Variants in TENM3 observed in about 807,000 individuals in gnomAD.
The protein encoded by TENM3 is teneurin transmembrane protein 3.
Under a neutral mutation model 255.1 loss-of-function variants are expected in TENM3, and 63 were observed. That is an observed-to-expected ratio of 0.25 (90% CI 0.20 to 0.30). The LOEUF (loss-of-function observed/expected upper bound fraction) is 0.30, where lower values mean the gene tolerates loss of function less well. Ranked by LOEUF, TENM3 falls within the 10% of genes least tolerant of loss-of-function variation. The pLI is 1.00. For synonymous variants in TENM3, 1,306 were observed against 1,322.3 expected (o/e 0.99, Z 0.27); for missense variants, 2,929 against 3,461.1 (o/e 0.85, Z 3.86).
the TENM3 span, among the ~76,000 whole-genome samples, chr4:181,919,840 G>A: frequency 4.7e-5 from 7 of 149,774 alleles, no homozygotes; most frequent in South Asian, 2.1e-4. Context: ...CCATTAACTC[G>A]TCATTTAGCA....
At chr4:181,697,578 G>A in the TENM3 span, among the ~76,000 whole-genome samples, 2 of 151,998 alleles carry the variant, frequency 1.3e-5, no homozygotes, top group Admixed American at 6.5e-5. Context: ...ATTTTTAGTA[G>A]AGAAGGGGTT....
chr4:182,128,496 A>G, the TENM3 span, among the ~76,000 whole-genome samples: 2 of 152,134 alleles, frequency 1.3e-5, no homozygotes, highest in African/African-American at 4.8e-5. Context: ...TTCAGCCACC[A>G]GCGCCTGGCC....
the TENM3 span, among the ~76,000 whole-genome samples, chr4:181,759,296 T>C: frequency 1.3e-5 from 2 of 152,022 alleles, no homozygotes; most frequent in Non-Finnish European, 2.9e-5. Flanking sequence ...TAAATGAGGG[T>C]TCCAATAGAG....
chr4:181,500,140 C>T, the TENM3 span, among the ~76,000 whole-genome samples: 1,276 of 151,948 alleles, frequency 8.4e-3, 13 homozygotes, highest in South Asian at 0.033. Context: ...GCGATTCTCC[C>T]GTCTCATCCT....
chr4:181,629,772 A>G, the TENM3 span, among the ~76,000 whole-genome samples: 3 of 152,206 alleles, frequency 2.0e-5, no homozygotes, highest in East Asian at 1.9e-4. Flanking sequence ...ATCGATGTTC[A>G]TCAGGGATAT....
Position 182,318,772 on chromosome 4 carries a change from C to A in TENM3, c.-75-5174C>A, listed in dbSNP as rs567984145. ...GCCAGTTCAATCAGAAGTTTTTTAT[C>A]TGTTTTGTTTTTTGAGACAGAGTCG... On this transcript the variant is annotated intron_variant, in intron 1 of 27. Coordinates refer to ENST00000511685, the MANE Select transcript of TENM3 (RefSeq NM_001080477.4). Among the ~76,000 whole-genome samples the A allele has an allele frequency of 1.4e-4, 22 of 152,122 alleles. 1 individual carries two copies. In the South Asian group the frequency reaches 4.6e-3, roughly 32 times the overall value.
At chr4:182,423,161 C>T (rs1288768289) in intron 3 of TENM3, among the ~76,000 whole-genome samples, 1 of 151,900 alleles carries the variant, frequency 6.6e-6, no homozygotes, top group Non-Finnish European at 1.5e-5. Context: ...CGGTTTTGTT[C>T]TTGTGTGTGT....
At chr4:182,193,853 T>A (rs970805312) in intron 1 of TENM3, among the ~76,000 whole-genome samples, 55 of 152,182 alleles carry the variant, frequency 3.6e-4, no homozygotes, top group East Asian at 1.5e-3. Flanking sequence ...TGAAATTTTT[T>A]AAAAAAGAAA....
chr4:181,480,443 G>A, the TENM3 span, among the ~76,000 whole-genome samples: 5 of 152,032 alleles, frequency 3.3e-5, no homozygotes, highest in East Asian at 1.9e-4. Flanking sequence ...TGTTATCAAC[G>A]TTTGATGTTA....
intron 3 of TENM3, among the ~76,000 whole-genome samples, chr4:182,574,997 A>T (rs1020892448): frequency 2.0e-5 from 3 of 152,134 alleles, no homozygotes; most frequent in African/African-American, 4.8e-5. Flanking sequence ...TTTATAACCG[A>T]TTTTTGCCTT....
At chr4:182,351,248 ATAT>A (rs1430501135) in intron 3 of TENM3, among the ~76,000 whole-genome samples, 30 of 152,328 alleles carry the variant, frequency 2.0e-4, no homozygotes, top group African/African-American at 7.0e-4. Context: ...GACAGTGAAG[ATAT>A]TTAGCAAAGA....
At chr4:181,704,129 G>T in the TENM3 span, among the ~76,000 whole-genome samples, 1 of 152,110 alleles carries the variant, frequency 6.6e-6, no homozygotes, top group African/African-American at 2.4e-5. Context: ...CTTCCATCTG[G>T]AGGCTGTGAA....
chr4:182,286,870 G>A (rs1760765728), intron 1 of TENM3, among the ~76,000 whole-genome samples: 1 of 152,066 alleles, frequency 6.6e-6, no homozygotes, highest in African/African-American at 2.4e-5. Context: ...GAAGTCTTTT[G>A]GAAACACATC....
Position 182,346,793 on chromosome 4 carries a change from G to T in TENM3, c.375G>T (p.Val125=). ...ATGCTGATACTGAAAATGAAGCAGTGATGTCCCCAGAGCATGCCATGAGAC... is the reference window on the plus strand; with the variant it reads ...ATGCTGATACTGAAAATGAAGCAGTTATGTCCCCAGAGCATGCCATGAGAC... ...GSDADTENEA[V]MSPEHAMRLW... The change falls in exon 3 of 28, where the codon GTG becomes GTT. Residue 125 remains valine (V), a synonymous_variant. Transcript: ENST00000511685. 1 of 1,613,558 alleles carries T rather than the reference G, an allele frequency of 6.2e-7. No individual in the cohort carries two copies. The highest frequency in any genetic ancestry group is 8.5e-7 in the Non-Finnish European group (1 of 1,179,726).
chr4:182,656,519 A>G (rs993920669), intron 6 of TENM3, among the ~76,000 whole-genome samples: 1 of 152,132 alleles, frequency 6.6e-6, no homozygotes, highest in Non-Finnish European at 1.5e-5. Context: ...GATGAACCTC[A>G]GTGTCCATGC....
rs1422723266 is a variant in TENM3 at position 182,754,592 on chromosome 4, G to A, written c.4225G>A (p.Ala1409Thr). 2.5e-6 allele frequency: 4 copies of A among 1,614,014 alleles called. No individual in the cohort carries two copies. The highest frequency in any genetic ancestry group is 3.4e-6 in the Non-Finnish European group (4 of 1,179,878). The stretch of plus-strand genomic sequence containing the variant: ...AACACTGGAATCAGCCACTGCCATT[G>A]CTGTGTCCTACAGTGGGGTCCTGTA... Reference protein sequence around the residue: ...QTTLESATAIAVSYSGVLYIT... With the variant: ...QTTLESATAITVSYSGVLYIT... Residue 1409 changes from alanine (A) to threonine (T), a missense_variant, in exon 22 of 28, where the codon GCT (alanine) becomes ACT (threonine). By Grantham distance (58) the Ala-to-Thr change is moderately conservative (BLOSUM62 0). Transcript: ENST00000511685. This position sits in a 1 kb window ranked among gnomAD's most constrained non-coding sequence, Gnocchi z 5.1.
the TENM3 span, among the ~76,000 whole-genome samples, chr4:181,681,663 C>T: frequency 6.6e-6 from 1 of 152,096 alleles, no homozygotes; most frequent in Non-Finnish European, 1.5e-5. Flanking sequence ...GAAATACCGA[C>T]TCACGATGAT....
At chr4:182,551,825 A>G (rs1301062931) in intron 3 of TENM3, among the ~76,000 whole-genome samples, 1 of 151,924 alleles carries the variant, frequency 6.6e-6, no homozygotes, top group African/African-American at 2.4e-5. Context: ...GTTTGAGACC[A>G]CCCTTGGCAG....
chr4:182,348,144 A>T (rs1432339740), intron 3 of TENM3, among the ~76,000 whole-genome samples: 1 of 152,116 alleles, frequency 6.6e-6, no homozygotes, highest in East Asian at 1.9e-4. Flanking sequence ...CATTAAACCA[A>T]AGTCAAGATC....
Sources: gnomAD v4.1 joint callset for allele counts (sites outside exome capture counted in the v4.1 genomes callset) on GRCh38, gnomAD v4.1.1 for gene constraint, Gnocchi (gnomAD v3.1) non-coding constraint, MANE v1.5 for transcripts, NCBI Gene and HGNC (gene_info 2026-07-23, HGNC 2026-07-21) for gene names.